The following CPQ variants were observed in gnomAD, a reference collection of about 807,000 sequenced individuals.
The protein encoded by CPQ is carboxypeptidase Q, also known as Ser-Met dipeptidase.
A neutral mutation model predicts 45.7 loss-of-function variants in CPQ; 37 were observed. That is an observed-to-expected ratio of 0.81 (90% CI 0.62 to 1.07). The LOEUF (loss-of-function observed/expected upper bound fraction) is 1.07. CPQ is among the 50% of genes least tolerant of loss of function. CPQ has a pLI of 0.00. For missense variants in CPQ, 537 were observed against 572.9 expected (o/e 0.94, Z 0.64); for synonymous variants, 186 against 205.8 (o/e 0.90, Z 0.82).
At chr8:96,995,845 A>G (rs1809170855) in intron 5 of CPQ, among the ~76,000 whole-genome samples, 1 of 152,042 alleles carries the variant, frequency 6.6e-6, no homozygotes, top group Non-Finnish European at 1.5e-5. Context: ...CACACCAGTC[A>G]GAATGGCTGT....
intron 4 of CPQ, among the ~76,000 whole-genome samples, chr8:96,963,395 A>T (rs927287831): frequency 6.6e-6 from 1 of 152,162 alleles, no homozygotes; most frequent in Non-Finnish European, 1.5e-5. Context: ...GAAACAATCC[A>T]TTTGGGTTCA....
intron 2 of CPQ, among the ~76,000 whole-genome samples, chr8:96,832,168 G>C (rs1201352329): frequency 3.9e-5 from 6 of 152,156 alleles, no homozygotes; most frequent in African/African-American, 1.4e-4. Context: ...TTTGTGTAAA[G>C]TAAGGGTAAC....
At chr8:96,838,350 C>T (rs558747077) in intron 3 of CPQ, among the ~76,000 whole-genome samples, 2 of 152,108 alleles carry the variant, frequency 1.3e-5, no homozygotes, top group South Asian at 4.1e-4. Context: ...ATCTGTGGCT[C>T]TATCATTTTT....
intron 5 of CPQ, among the ~76,000 whole-genome samples, chr8:96,999,277 G>A (rs1020623305): frequency 1.3e-5 from 2 of 151,152 alleles, no homozygotes; most frequent in Non-Finnish European, 3.0e-5. Context: ...TACAGGTGCA[G>A]GTTTGTTACC....
chr8:96,906,261 A>G (rs1298934857), intron 4 of CPQ, among the ~76,000 whole-genome samples: 1 of 152,142 alleles, frequency 6.6e-6, no homozygotes, highest in Non-Finnish European at 1.5e-5. Context: ...GTTTTCCCTC[A>G]TGTAATGTGG....
chr8:96,853,770 G>A (rs1248775885), intron 3 of CPQ, among the ~76,000 whole-genome samples: 1 of 152,146 alleles, frequency 6.6e-6, no homozygotes, highest in Non-Finnish European at 1.5e-5. Context: ...ATTTGGTAGT[G>A]TAGTGTACAC....
intron 7 of CPQ, among the ~76,000 whole-genome samples, chr8:97,068,548 G>T (rs1198101502): frequency 6.6e-6 from 1 of 152,204 alleles, no homozygotes; most frequent in Non-Finnish European, 1.5e-5. Flanking sequence ...CAGGAGAATT[G>T]CTTGAACCCA....
At chr8:96,866,261 T>C (rs1224571530) in intron 3 of CPQ, among the ~76,000 whole-genome samples, 1 of 152,064 alleles carries the variant, frequency 6.6e-6, no homozygotes, top group Non-Finnish European at 1.5e-5. Flanking sequence ...ATTCTGGTAA[T>C]TGGTAAATAT....
intron 1 of CPQ, among the ~76,000 whole-genome samples, chr8:96,772,344 T>G (rs575186292): frequency 4.3e-4 from 66 of 152,016 alleles, no homozygotes; most frequent in African/African-American, 1.5e-3. Context: ...TGGTCCCAGA[T>G]GATGGGGTGG....
intron 3 of CPQ, among the ~76,000 whole-genome samples, chr8:96,864,093 G>A (rs1351787825): frequency 6.6e-6 from 1 of 152,036 alleles, no homozygotes; most frequent in Non-Finnish European, 1.5e-5. Context: ...ATAGCTGGAA[G>A]AAGAATGATA....
At chr8:96,694,228 A>G (rs1288762299) in intron 1 of CPQ, among the ~76,000 whole-genome samples, 1 of 152,182 alleles carries the variant, frequency 6.6e-6, no homozygotes, top group African/African-American at 2.4e-5. Context: ...CAAAACAACC[A>G]GAAAACAAAT....
At chr8:96,789,467 T>A (rs1350357790) in intron 2 of CPQ, among the ~76,000 whole-genome samples, 3 of 152,178 alleles carry the variant, frequency 2.0e-5, no homozygotes, top group Non-Finnish European at 2.9e-5. Flanking sequence ...TCCCTATGAG[T>A]CACCCGTAGG....
intron 4 of CPQ, among the ~76,000 whole-genome samples, chr8:96,947,758 A>T (rs1210269614): frequency 6.6e-6 from 1 of 152,118 alleles, no homozygotes; most frequent in African/African-American, 2.4e-5. Context: ...CTGCAGAAGC[A>T]TTTCCCCTTA....
At chr8:96,712,413 C>G (rs1400207746) in intron 1 of CPQ, among the ~76,000 whole-genome samples, 1 of 152,198 alleles carries the variant, frequency 6.6e-6, no homozygotes, top group Non-Finnish European at 1.5e-5. Flanking sequence ...CCACATCACC[C>G]TAGCAGAGGT....
In CPQ at chr8:96,943,177, A is replaced by G. The variant is rs140546610; in HGVS notation, c.850-22758A>G. On this transcript the variant is annotated intron_variant, in intron 4 of 7. Transcript: ENST00000220763. ...CTAGCACTTCACTGTAAAATAACAGATAATCCCAGGCCAGAATTTTAATTA... is the reference window on the plus strand; with the variant it reads ...CTAGCACTTCACTGTAAAATAACAGGTAATCCCAGGCCAGAATTTTAATTA... Among the ~76,000 whole-genome samples, 110 of 152,308 alleles carry G rather than the reference A, an allele frequency of 7.2e-4. 1 individual carries two copies. Among genetic ancestry groups the G allele is most frequent in the African/African-American group, 2.6e-3 (109 of 41,570 alleles).
chr8:96,657,484 T>G (rs1287166213), intron 1 of CPQ, among the ~76,000 whole-genome samples: 1 of 152,228 alleles, frequency 6.6e-6, no homozygotes, highest in Non-Finnish European at 1.5e-5. Flanking sequence ...TCTCCGTTTC[T>G]TTCTCAAGTT....
At chr8:96,848,327 A>G (rs528936719) in intron 3 of CPQ, among the ~76,000 whole-genome samples, 17 of 152,328 alleles carry the variant, frequency 1.1e-4, no homozygotes, top group African/African-American at 3.8e-4. Context: ...AGTTACTTCT[A>G]CACATTTAGA....
chr8:96,962,651 G>A (rs1813479325), intron 4 of CPQ, among the ~76,000 whole-genome samples: 1 of 152,154 alleles, frequency 6.6e-6, no homozygotes, highest in South Asian at 2.1e-4. Context: ...ATTTTCAGTA[G>A]CCTTGTGCAT....
intron 4 of CPQ, among the ~76,000 whole-genome samples, chr8:96,890,622 C>T (rs952117640): frequency 4.6e-5 from 7 of 152,150 alleles, no homozygotes; most frequent in Non-Finnish European, 8.8e-5. Context: ...CTTGATAATC[C>T]GGATCAGTTG....
Sources: gnomAD v4.1 joint callset for allele counts (sites outside exome capture counted in the v4.1 genomes callset) on GRCh38, gnomAD v4.1.1 for gene constraint, MANE v1.5 for transcripts, NCBI Gene and HGNC (gene_info 2026-07-23, HGNC 2026-07-21) for gene names.